KIZ: variants seen among roughly 807,000 people sequenced by gnomAD.
KIZ encodes centrosomal protein kizuna.
A neutral mutation model predicts 79.6 loss-of-function variants in KIZ; 68 were observed. The observed-to-expected ratio is 0.85, with a 90% CI of 0.70 to 1.05. The LOEUF (loss-of-function observed/expected upper bound fraction) is 1.05. Among genes scored for constraint, KIZ ranks in the 50% least tolerant of loss-of-function variants. The pLI is 0.00. For missense variants in KIZ, 797 were observed against 800.4 expected (o/e 1.00, Z 0.05); for synonymous variants, 280 against 281.8 (o/e 0.99, Z 0.06).
At chr20:21,239,240 A>G (rs998917808) in intron 11 of KIZ, among the ~76,000 whole-genome samples, 1 of 152,252 alleles carries the variant, frequency 6.6e-6, no homozygotes, top group Non-Finnish European at 1.5e-5. Flanking sequence ...TTCTGGCCCC[A>G]GAGCTGATTC....
At chr20:21,145,447 C>T (rs887181256) in intron 3 of KIZ, 118 bp from the exon 4 acceptor site, 34 of 408,808 alleles carry the variant, frequency 8.3e-5, no homozygotes, top group Non-Finnish European at 8.9e-6. Context: ...AATTTCTTGG[C>T]AACATCAGCT....
intron 6 of KIZ, among the ~76,000 whole-genome samples, chr20:21,191,889 T>C (rs1176672201): frequency 6.6e-6 from 1 of 151,718 alleles, no homozygotes; most frequent in Non-Finnish European, 1.5e-5. Context: ...AGTGTAACAG[T>C]AAAAGGAGTT....
intron 4 of KIZ, among the ~76,000 whole-genome samples, chr20:21,150,399 T>C (rs1338912661): frequency 6.6e-6 from 1 of 152,194 alleles, no homozygotes; most frequent in East Asian, 1.9e-4. Context: ...ACCAGCAGCC[T>C]CCTTGAATCA....
intron 9 of KIZ, among the ~76,000 whole-genome samples, chr20:21,220,238 AAC>A (rs2036458898): frequency 6.6e-6 from 1 of 151,692 alleles, no homozygotes; most frequent in Non-Finnish European, 1.5e-5. Flanking sequence ...GGATACCAGA[AAC>A]CACAAAAGAT....
intron 12 of KIZ, 72 bp from the exon 13 acceptor site, chr20:21,246,407 G>C (rs544783825): frequency 2.3e-6 from 2 of 888,888 alleles, no homozygotes; most frequent in African/African-American, 3.3e-5. Flanking sequence ...CAGTCCTTCC[G>C]TGCTGTGCTG....
intron 6 of KIZ, among the ~76,000 whole-genome samples, chr20:21,169,967 C>G (rs992586919): frequency 6.6e-6 from 1 of 152,094 alleles, no homozygotes; most frequent in African/African-American, 2.4e-5. Context: ...ATCCATTCAC[C>G]TACTGAAGAA....
chr20:21,240,786 C>G (rs770672065), intron 11 of KIZ, among the ~76,000 whole-genome samples: 2 of 152,204 alleles, frequency 1.3e-5, no homozygotes. Context: ...TTCGTGACAC[C>G]TGAAAGGTAT....
At position 21,246,480 on chromosome 20, in the gene KIZ, C is replaced by A; in HGVS notation, c.1926C>A (p.Ala642=). The A allele has an allele frequency of 3.1e-6, 5 of 1,592,374 alleles. No homozygotes were observed. The highest frequency in any genetic ancestry group is 4.3e-6 in the Non-Finnish European group (5 of 1,160,820). The change falls in exon 13 of 13, where the codon GCC becomes GCA. Residue 642 remains alanine (A), a splice_region_variant and synonymous_variant. Transcript: ENST00000619189. The part of the protein sequence containing the change: ...KKPVINLKSN[A]LWDESDDSNS... ...TAACTGTCTGGTTTTATTTTCCAGC[C>A]CTCTGGGATGAGTCTGATGACAGTA...
At chr20:21,162,633 G>A (rs1486302641) in intron 5 of KIZ, 126 bp downstream of exon 5, 3 of 837,268 alleles carry the variant, frequency 3.6e-6, no homozygotes, top group Non-Finnish European at 5.5e-6. Flanking sequence ...CCATTCTAAT[G>A]AACTCTTAAA....
intron 11 of KIZ, among the ~76,000 whole-genome samples, chr20:21,238,818 C>G (rs542952688): frequency 1.3e-5 from 2 of 152,296 alleles, no homozygotes; most frequent in South Asian, 4.1e-4. Context: ...TTGCTCTGCC[C>G]CTGCTCTTGG....
rs140395856 is a variant in KIZ, at chr20:21,209,016, C to G, written c.1446+3432C>G. Reference sequence around the variant, plus strand: ...GTGATTTTCAAAATTTAAAAAAGCTCTACTAGAAACTACTTGGTTAAGAGT... The same window carrying G: ...GTGATTTTCAAAATTTAAAAAAGCTGTACTAGAAACTACTTGGTTAAGAGT... On this transcript the variant is annotated intron_variant, in intron 7 of 12. Coordinates refer to ENST00000619189, the MANE Select transcript of KIZ (RefSeq NM_018474.6). 1.1e-3 allele frequency among the ~76,000 whole-genome samples: 173 copies of G among 152,244 alleles called. 2 individuals carry two copies. The highest frequency in any genetic ancestry group is 4.1e-3 in the African/African-American group (169 of 41,548).
intron 6 of KIZ, chr20:21,166,570 A>C (rs907198781): frequency 5.7e-6 from 8 of 1,405,566 alleles, no homozygotes; most frequent in Non-Finnish European, 8.0e-6. Flanking sequence ...TCTTGAGAGC[A>C]TCTGCCAGGA....
chr20:21,161,922 T>C lies in KIZ; in HGVS notation c.457T>C (p.Tyr153His). ...NSGTAMSRGL[Y>H]QPATIFMGRQ... is the part of the protein sequence containing the mutation. Reference sequence around the variant, plus strand: ...AGGAACAGCCATGTCAAGAGGATTGTATCAACCAGCAACAATCTTTATGGG... The same window carrying C: ...AGGAACAGCCATGTCAAGAGGATTGCATCAACCAGCAACAATCTTTATGGG... Residue 153 changes from tyrosine to histidine, a missense_variant, in exon 5 of 13, where the codon TAT becomes CAT. Physicochemically the swap from Tyr to His is moderately conservative, Grantham distance 83 (BLOSUM62 2). Transcript: ENST00000619189. 6.2e-7 allele frequency: 1 copy of C among 1,613,600 alleles called. No homozygotes were observed.
Position 21,232,790 on chromosome 20 carries a change from G to A in KIZ, c.1840G>A (p.Glu614Lys), listed in dbSNP as rs1255626371. 1 of 1,591,364 alleles carries A rather than the reference G, an allele frequency of 6.3e-7. No homozygotes were observed. The highest frequency in any genetic ancestry group is 1.1e-5 in the South Asian group (1 of 87,904). The change falls in exon 11 of 13, where the codon GAA (glutamate) becomes AAA (lysine). Residue 614 changes from glutamate (E) to lysine (K), a missense_variant. Glu to Lys is a moderately conservative substitution (Grantham distance 56, BLOSUM62 1). Transcript: ENST00000619189. ...AAAGACAGCTAACAAAATTGCTTCG[G>A]AAGCTAGTTTTTCATCTAGTGAAGG... ...ETKTANKIASEASFSSSEGSP... is the reference protein window; with the variant it reads ...ETKTANKIASKASFSSSEGSP...
At chr20:21,245,306 C>T (rs1228816488) in intron 12 of KIZ, 1 of 152,158 alleles carries the variant, frequency 6.6e-6, no homozygotes, top group African/African-American at 2.4e-5. Flanking sequence ...AGGACAGCTA[C>T]CTACTGTGGG....
At chr20:21,136,605 T>C in intron 3 of KIZ, 53 bp downstream of exon 3, 1 of 1,359,626 alleles carries the variant, frequency 7.4e-7, no homozygotes, top group Non-Finnish European at 9.9e-7. Context: ...GTGTGTTTTT[T>C]TTTTTTTCTT....
At chr20:21,177,300 T>G (rs1222190769) in intron 6 of KIZ, among the ~76,000 whole-genome samples, 1 of 152,190 alleles carries the variant, frequency 6.6e-6, no homozygotes, top group Non-Finnish European at 1.5e-5. Context: ...AATTTTTCTA[T>G]GGTTTTGATT....
intron 4 of KIZ, chr20:21,161,066 A>G (rs1411781056): frequency 2.0e-5 from 3 of 152,196 alleles, no homozygotes; most frequent in East Asian, 3.8e-4. Context: ...CTTTTGAATT[A>G]TGTTTCTCTA....
At chr20:21,211,759 A>G (rs1222187192) in intron 7 of KIZ, among the ~76,000 whole-genome samples, 1 of 152,214 alleles carries the variant, frequency 6.6e-6, no homozygotes, top group African/African-American at 2.4e-5. Context: ...CAAACAGTAC[A>G]TCTTGAGAAT....
Sources: gnomAD v4.1 joint callset for allele counts (sites outside exome capture counted in the v4.1 genomes callset) on GRCh38, gnomAD v4.1.1 for gene constraint, MANE v1.5 for transcripts, NCBI Gene and HGNC (gene_info 2026-07-23, HGNC 2026-07-21) for gene names.